Variants in CD22 observed in about 807,000 individuals in gnomAD.
CD22 encodes B-cell receptor CD22.
CD22 carries 51 observed loss-of-function variants against 94.7 expected under a neutral mutation model. The ratio of observed to expected loss-of-function variants is 0.54; its 90% CI spans 0.43 to 0.68. The LOEUF (loss-of-function observed/expected upper bound fraction) is 0.68, where lower values mean the gene tolerates loss of function less well. CD22 is among the 30% of genes least tolerant of loss of function. The probability of loss-of-function intolerance (pLI) is 0.00; values close to 1 mark genes in which losing one functional copy is unlikely to be tolerated. For synonymous variants in CD22, 424 were observed against 422.5 expected, an observed-to-expected ratio of 1.00 and a Z score of -0.04; for missense variants, 931 against 1,060.4, an observed-to-expected ratio of 0.88 and a Z score of 1.69.
chr19:35,332,456 TA>T, intron 2 of CD22, 90 bp from the exon 3 acceptor site: 1 of 1,337,328 alleles, frequency 7.5e-7, no homozygotes. Context: ...CTAAAAAGAA[TA>T]AAAAATTAAA....
intron 9 of CD22, among the ~76,000 whole-genome samples, chr19:35,344,441 C>T (rs1018682187): frequency 6.6e-6 from 1 of 152,228 alleles, no homozygotes; most frequent in Non-Finnish European, 1.5e-5. Context: ...GGTCTGCAGC[C>T]TCTTGTTTTG....
intron 12 of CD22, 59 bp from the exon 13 acceptor site, chr19:35,346,092 G>A (rs1220701473): frequency 3.8e-6 from 5 of 1,318,302 alleles, no homozygotes; most frequent in South Asian, 3.5e-5. Flanking sequence ...GGTGTTGAGA[G>A]GGAGGAGAGT....
At chr19:35,333,433 G>A (rs1050496302) in intron 3 of CD22, among the ~76,000 whole-genome samples, 1 of 152,174 alleles carries the variant, frequency 6.6e-6, no homozygotes, top group Non-Finnish European at 1.5e-5. Flanking sequence ...TAGGGCAGAG[G>A]CCCCAGACCT....
Position 35,338,443 on chromosome 19 carries a change from C to A in CD22, c.1249+12C>A. ...GCTGGATGTCCAGTGTGAGTAGCCA[C>A]GGAGCCTCTGGTTCTAGGGAGAGAA... On this transcript the variant is annotated intron_variant, in intron 6 of 13. Coordinates refer to ENST00000085219, the MANE Select transcript of CD22 (RefSeq NM_001771.4). The A allele has an allele frequency of 6.2e-7, 1 of 1,607,530 alleles. No homozygotes were observed. The highest frequency in any genetic ancestry group is 8.5e-7 in the Non-Finnish European group (1 of 1,175,860).
At position 35,346,180 on chromosome 19, in the gene CD22, C is replaced by T. The variant is rs2066904404; in HGVS notation, c.2357C>T (p.Pro786Leu). 1.2e-6 allele frequency: 2 copies of T among 1,613,866 alleles called. No homozygotes were observed. Among genetic ancestry groups the T allele is most frequent in the African/African-American group, 1.3e-5 (1 of 74,920 alleles). ...GCAGAGTCCTCAGAGATGCAGAGAC[C>T]TCCCCCGGACTGCGATGACACGGTC... is the stretch of plus-strand genomic sequence containing the variant. ...GDAESSEMQR[P>L]PPDCDDTVTY... Residue 786 changes from proline (P) to leucine (L), a missense_variant, in exon 13 of 14, where the codon CCT becomes CTT. By Grantham distance (98) the Pro-to-Leu change is moderately conservative. Transcript: ENST00000085219.
At position 35,341,118 on chromosome 19, in the gene CD22, C is replaced by T. The variant is rs1241465854; in HGVS notation, c.1487C>T (p.Pro496Leu). ...AATAGTTGGTGCTCGTGGGCCTCCCCTGTCGCCCTGAATGTCCAGTGTGAG... is the reference window on the plus strand; with the variant it reads ...AATAGTTGGTGCTCGTGGGCCTCCCTTGTCGCCCTGAATGTCCAGTGTGAG... ...ACNSWCSWAS[P>L]VALNVQYAPR... Residue 496 changes from proline (P) to leucine (L), a missense_variant, in exon 7 of 14, where the codon CCT becomes CTT. Pro to Leu is a moderately conservative substitution (Grantham distance 98, BLOSUM62 -3). Transcript: ENST00000085219. The surrounding 1 kb of genome is among the most constrained non-coding windows in gnomAD (Gnocchi z 4.0). 9 of 1,614,084 alleles carry T rather than the reference C, an allele frequency of 5.6e-6. No individual in the cohort carries two copies. Among genetic ancestry groups the T allele is most frequent in the Non-Finnish European group, 7.6e-6 (9 of 1,180,040 alleles).
chr19:35,346,580 C>T lies in CD22; in HGVS notation c.2427C>T (p.Asn809=), dbSNP rs749878046. Residue 809 remains asparagine, a synonymous_variant, in exon 14 of 14, where the codon AAC becomes AAT. Coordinates refer to ENST00000085219, the MANE Select transcript of CD22 (RefSeq NM_001771.4). The part of the protein sequence containing the change: ...LHKRQVGDYE[N]VIPDFPEDEG... Reference sequence around the variant, plus strand: ...GGTTTTCTCAGGGCGACTATGAGAACGTCATTCCAGATTTTCCAGAAGATG... The same window carrying T: ...GGTTTTCTCAGGGCGACTATGAGAATGTCATTCCAGATTTTCCAGAAGATG... 18 of 1,603,048 alleles carry T rather than the reference C, an allele frequency of 1.1e-5. No homozygotes were observed. The highest frequency in any genetic ancestry group is 4.5e-5 in the South Asian group (4 of 89,324).
Position 35,341,577 on chromosome 19 carries a change from C to G in CD22, c.1742C>G (p.Ala581Gly), listed in dbSNP as rs781725931. The change falls in exon 8 of 14, where the codon GCG becomes GGG. Residue 581 changes from alanine (A) to glycine (G), a missense_variant. Physicochemically the swap from Ala to Gly is moderately conservative, Grantham distance 60 (BLOSUM62 0). Transcript: ENST00000085219. The surrounding 1 kb of genome is among the most constrained non-coding windows in gnomAD (Gnocchi z 4.0). ...CWVNNSIGQT[A>G]SKAWTLEVLY... ...GTGAACAACTCCATAGGACAGACAG[C>G]GTCCAAGGCCTGGACACTTGAAGTG... is the stretch of plus-strand genomic sequence containing the variant. 6.2e-7 allele frequency: 1 copy of G among 1,613,020 alleles called. No homozygotes were observed. The highest frequency in any genetic ancestry group is 8.5e-7 in the Non-Finnish European group (1 of 1,179,232).
intron 9 of CD22, among the ~76,000 whole-genome samples, chr19:35,342,864 G>A (rs1457529417): frequency 1.3e-5 from 2 of 152,140 alleles, no homozygotes; most frequent in Admixed American, 6.5e-5. Flanking sequence ...AGGCTGGAGT[G>A]CAGTGGCGTG....
chr19:35,336,536 A>G (rs911600559), intron 4 of CD22, 195 bp downstream of exon 4: 1 of 580,160 alleles, frequency 1.7e-6, no homozygotes, highest in African/African-American at 1.9e-5. Flanking sequence ...AAAATGGTCC[A>G]TCCTCAAGCC....
At chr19:35,335,895 AAAAC>A (rs2066716498) in intron 3 of CD22, 137 bp from the exon 4 acceptor site, 6 of 694,962 alleles carry the variant, frequency 8.6e-6, no homozygotes, top group South Asian at 3.7e-5. Flanking sequence ...TAACAACAAA[AAAAC>A]AAAGCAGGAC....
intron 9 of CD22, among the ~76,000 whole-genome samples, chr19:35,342,966 A>G (rs1016227970): frequency 4.0e-5 from 6 of 151,872 alleles, no homozygotes; most frequent in Non-Finnish European, 8.8e-5. Flanking sequence ...GCCTGCCACC[A>G]TGCCCGGCTA....
rs754318380 is a variant in CD22 at position 35,337,860 on chromosome 19, C to T, written c.824C>T (p.Thr275Met). Residue 275 changes from threonine to methionine, a missense_variant, in exon 5 of 14, where the codon ACG (threonine) becomes ATG (methionine). Physicochemically the swap from Thr to Met is moderately conservative, Grantham distance 81. Transcript: ENST00000085219. The surrounding 1 kb of genome is among the most constrained non-coding windows in gnomAD (Gnocchi z 4.4). ...GTCAGCAGCAGCAACCCGGAGTACA[C>T]GACGGTATCCTGGCTCAAGGATGGG... The part of the protein sequence containing the change: ...CEVSSSNPEY[T>M]TVSWLKDGTS... The T allele has an allele frequency of 6.2e-7, 1 of 1,614,150 alleles. No individual in the cohort carries two copies. Among genetic ancestry groups the T allele is most frequent in the Non-Finnish European group, 8.5e-7 (1 of 1,180,018 alleles).
At chr19:35,340,602 T>A (rs16970236) in intron 6 of CD22, among the ~76,000 whole-genome samples, 8,289 of 152,184 alleles carry the variant, frequency 0.054, 570 homozygotes, top group African/African-American at 0.16. Context: ...TTGACAGACG[T>A]GTAAACTGAG....
intron 3 of CD22, among the ~76,000 whole-genome samples, chr19:35,333,873 C>G (rs574777046): frequency 2.6e-5 from 4 of 152,066 alleles, no homozygotes; most frequent in Non-Finnish European, 5.9e-5. Context: ...TTTCAAGAGA[C>G]GATGGAAATC....
At chr19:35,346,424 C>A (rs58156121) in intron 13 of CD22, 142 bp from the exon 14 acceptor site, 6 of 1,240,770 alleles carry the variant, frequency 4.8e-6, no homozygotes, top group East Asian at 5.0e-5. Flanking sequence ...TCCTGGATGC[C>A]GGCCACAGCC....
At chr19:35,338,723 G>A (rs1035526734) in intron 6 of CD22, among the ~76,000 whole-genome samples, 16 of 151,928 alleles carry the variant, frequency 1.1e-4, no homozygotes, top group Non-Finnish European at 2.2e-4. Context: ...CCACCTTCCC[G>A]GGTTCATGCC....
At chr19:35,344,157 C>G (rs1419678486) in intron 9 of CD22, among the ~76,000 whole-genome samples, 3 of 145,896 alleles carry the variant, frequency 2.1e-5, no homozygotes, top group Non-Finnish European at 3.0e-5. Context: ...GATCTCACCA[C>G]TGCACTCCAG....
chr19:35,346,825 C>A lies in CD22; in HGVS notation c.*128C>A. On this transcript the variant is annotated 3_prime_UTR_variant, in exon 14 of 14. Coordinates refer to ENST00000085219, the MANE Select transcript of CD22 (RefSeq NM_001771.4). ...GCACACACACACACACACGCACACA[C>A]ACACACACACACTCACTGCGGAGAA... 1 of 854,852 alleles carries A rather than the reference C, an allele frequency of 1.2e-6. No individual in the cohort carries two copies. 53.0% of individuals were successfully genotyped at this position (854,852 alleles called of 1,614,324 possible). A position where few individuals can be genotyped will look rare whatever the true frequency, so the allele number is the denominator to read the frequency against.
Sources: allele counts gnomAD v4.1 joint callset (sites outside exome capture counted in the v4.1 genomes callset), GRCh38; gene constraint gnomAD v4.1.1; non-coding constraint Gnocchi (gnomAD v3.1); transcripts MANE v1.5; gene names NCBI Gene and HGNC (gene_info 2026-07-23, HGNC 2026-07-21).